Variants in EGFR observed in about 807,000 individuals in gnomAD.
EGFR encodes epidermal growth factor receptor, also known as avian erythroblastic leukemia viral (v-erb-b) oncogene homolog.
In EGFR, 58 loss-of-function variants were observed where a neutral mutation model predicts 143.0. The observed-to-expected ratio is 0.41, with a 90% CI of 0.33 to 0.50. EGFR has a LOEUF of 0.50. Among genes scored for constraint, EGFR ranks in the 20% least tolerant of loss-of-function variants. The probability of loss-of-function intolerance (pLI) is 0.39; values close to 1 mark genes in which losing one functional copy is unlikely to be tolerated. For missense variants in EGFR, 1,307 were observed against 1,579.0 expected, an observed-to-expected ratio of 0.83 and a Z score of 2.92; for synonymous variants, 613 against 594.4, an observed-to-expected ratio of 1.03 and a Z score of -0.45.
chr7:55,158,752 CACTG>C (rs1375524714), intron 11 of EGFR, among the ~76,000 whole-genome samples: 1 of 152,202 alleles, frequency 6.6e-6, no homozygotes. Context: ...GGGTGTGACT[CACTG>C]AGGCCCCAGA....
intron 1 of EGFR, among the ~76,000 whole-genome samples, chr7:55,117,606 A>ACG (rs1792942991): frequency 6.6e-6 from 1 of 152,164 alleles, no homozygotes; most frequent in Non-Finnish European, 1.5e-5. Context: ...GATCTCTGTT[A>ACG]TAAAAAATAA....
chr7:55,113,898 G>A (rs986466892), intron 1 of EGFR, among the ~76,000 whole-genome samples: 2 of 152,188 alleles, frequency 1.3e-5, no homozygotes, highest in Non-Finnish European at 2.9e-5. Context: ...TGGGGGCTTT[G>A]AGCAGCTGCT....
At chr7:55,092,126 C>T (rs1018160745) in intron 1 of EGFR, among the ~76,000 whole-genome samples, 27 of 152,150 alleles carry the variant, frequency 1.8e-4, no homozygotes, top group Admixed American at 1.8e-3. Flanking sequence ...TACCTCTGTT[C>T]TTCCATGCTG....
In EGFR at chr7:55,041,805, T is replaced by A. The variant is rs112655514; in HGVS notation, c.88+22440T>A. On this transcript the variant is annotated intron_variant, in intron 1 of 27. Transcript: ENST00000275493. ...ACAAGTGTTTTCTTACTTATTTTAC[T>A]TTTCAGATAATTCATCCTTAAAGTA... Among the ~76,000 whole-genome samples, 129 of 152,324 alleles carry A rather than the reference T, an allele frequency of 8.5e-4. 2 individuals carry two copies. The highest frequency in any genetic ancestry group is 4.6e-4 in the Non-Finnish European group (31 of 68,020).
intron 1 of EGFR, among the ~76,000 whole-genome samples, chr7:55,133,586 G>A (rs2128921549): frequency 6.6e-6 from 1 of 152,318 alleles, no homozygotes; most frequent in East Asian, 1.9e-4. Context: ...TCTACCAGAT[G>A]TCTCTGAGCT....
At chr7:55,124,815 G>A (rs1231850139) in intron 1 of EGFR, among the ~76,000 whole-genome samples, 3 of 152,118 alleles carry the variant, frequency 2.0e-5, no homozygotes, top group Non-Finnish European at 2.9e-5. Context: ...ATACTCACTC[G>A]AACATTCCCG....
chr7:55,142,491 G>GA (rs1392875529), intron 2 of EGFR, 54 bp downstream of exon 2: 43 of 1,602,338 alleles, frequency 2.7e-5, no homozygotes, highest in Non-Finnish European at 2.6e-5. Context: ...TCTAAGTGGA[G>GA]AAAGGCCTGG....
At chr7:55,163,969 CT>C in intron 14 of EGFR, 146 bp downstream of exon 14, 1 of 855,964 alleles carries the variant, frequency 1.2e-6, no homozygotes, top group Non-Finnish European at 1.9e-6. Flanking sequence ...GCTGACAGCG[CT>C]GTCCGGGCAG....
intron 21 of EGFR, 57 bp from the exon 22 acceptor site, chr7:55,192,709 T>G (rs1787453582): frequency 6.5e-7 from 1 of 1,543,368 alleles, no homozygotes; most frequent in Non-Finnish European, 9.0e-7. Context: ...GAGTTAACTT[T>G]TTCCAACAGA....
chr7:55,109,368 G>C (rs1194920200), intron 1 of EGFR, among the ~76,000 whole-genome samples: 1 of 152,182 alleles, frequency 6.6e-6, no homozygotes, highest in Non-Finnish European at 1.5e-5. Flanking sequence ...TACAGCAATG[G>C]AAGAATCGGG....
intron 4 of EGFR, among the ~76,000 whole-genome samples, chr7:55,148,859 C>CAA (rs35004531): frequency 3.5e-5 from 5 of 143,610 alleles, no homozygotes; most frequent in African/African-American, 1.0e-4. Flanking sequence ...TAGTCTTCAC[C>CAA]AAAAAAAAAA....
intron 1 of EGFR, among the ~76,000 whole-genome samples, chr7:55,079,785 G>C (rs10245472): frequency 6.6e-6 from 1 of 151,738 alleles, no homozygotes; most frequent in African/African-American, 2.4e-5. Context: ...CCAGTAGTCC[G>C]TGAAAATCCA....
intron 1 of EGFR, among the ~76,000 whole-genome samples, chr7:55,033,203 C>A (rs1307893503): frequency 3.9e-5 from 6 of 152,176 alleles, no homozygotes; most frequent in Admixed American, 6.5e-5. Context: ...AGGGTAAATT[C>A]TCTGTAAGTA....
Position 55,206,218 on chromosome 7 carries a change from C to G in EGFR, c.*601C>G, listed in dbSNP as rs953115882. On this transcript the variant is annotated 3_prime_UTR_variant, in exon 28 of 28. Coordinates refer to ENST00000275493, the MANE Select transcript of EGFR (RefSeq NM_005228.5). ...GGCAGGTACAGTAGGATAAGCCACT[C>G]TGTCCCTTCCTGGGCAAAGAAGAAA... is the stretch of plus-strand genomic sequence containing the variant. 8 of 239,094 alleles carry G rather than the reference C, an allele frequency of 3.3e-5. No individual in the cohort carries two copies. Among genetic ancestry groups the G allele is most frequent in the African/African-American group, 1.5e-4 (7 of 45,378 alleles). 14.8% of individuals were successfully genotyped at this position (239,094 alleles called of 1,614,324 possible).
At position 55,171,155 on chromosome 7, in the gene EGFR, T is replaced by G; in HGVS notation, c.1881-20T>G. 6.2e-7 allele frequency: 1 copy of G among 1,614,130 alleles called. No individual in the cohort carries two copies. The highest frequency in any genetic ancestry group is 2.2e-5 in the East Asian group (1 of 44,894). On this transcript the variant is annotated intron_variant, in intron 15 of 27. Coordinates refer to ENST00000275493, the MANE Select transcript of EGFR (RefSeq NM_005228.5). Reference sequence around the variant, plus strand: ...GAAGTAGAATGAGAAAAATGTATATTTCTCTTTCACTTCCTACAGATGCAC... The same window carrying G: ...GAAGTAGAATGAGAAAAATGTATATGTCTCTTTCACTTCCTACAGATGCAC...
chr7:55,065,453 A>G (rs1168208999), intron 1 of EGFR, among the ~76,000 whole-genome samples: 2 of 152,224 alleles, frequency 1.3e-5, no homozygotes, highest in East Asian at 3.8e-4. Flanking sequence ...GGCTACTAAC[A>G]CATTTGTGTC....
At chr7:55,072,226 T>C (rs1304444665) in intron 1 of EGFR, among the ~76,000 whole-genome samples, 1 of 152,270 alleles carries the variant, frequency 6.6e-6, no homozygotes, top group Non-Finnish European at 1.5e-5. Context: ...TAGCTATTAC[T>C]AGCAATTGTA....
At chr7:55,078,086 C>G (rs927407154) in intron 1 of EGFR, among the ~76,000 whole-genome samples, 2 of 152,294 alleles carry the variant, frequency 1.3e-5, no homozygotes, top group East Asian at 3.9e-4. Context: ...AGAAGAAGCT[C>G]CTGCAGACCT....
intron 1 of EGFR, among the ~76,000 whole-genome samples, chr7:55,099,343 A>T (rs1204402899): frequency 2.6e-5 from 4 of 152,118 alleles, no homozygotes; most frequent in Non-Finnish European, 5.9e-5. Context: ...AGACCATGAG[A>T]TGGGTGAGTT....
Sources: gnomAD v4.1 joint callset for allele counts (sites outside exome capture counted in the v4.1 genomes callset) on GRCh38, gnomAD v4.1.1 for gene constraint, MANE v1.5 for transcripts, NCBI Gene and HGNC (gene_info 2026-07-23, HGNC 2026-07-21) for gene names.